Variants in GMDS observed in about 807,000 individuals in gnomAD.
The protein encoded by GMDS is GDP-mannose 4,6 dehydratase.
A neutral mutation model predicts 49.9 loss-of-function variants in GMDS; 20 were observed. That is an observed-to-expected ratio of 0.40 (90% CI 0.28 to 0.58). GMDS has a LOEUF of 0.58. GMDS is among the 20% of genes least tolerant of loss of function. GMDS has a pLI of 0.42. For missense variants in GMDS, 362 were observed against 481.4 expected (o/e 0.75, Z 2.32); for synonymous variants, 177 against 178.6 (o/e 0.99, Z 0.07).
intron 9 of GMDS, among the ~76,000 whole-genome samples, chr6:1,629,067 C>T (rs914355953): frequency 3.3e-5 from 5 of 152,224 alleles, no homozygotes; most frequent in African/African-American, 1.2e-4. Context: ...GCTCTCAAGT[C>T]TCACAGAGTA....
rs535352597 is a variant in GMDS, at chr6:1,751,472, A to G, written c.772-8886T>C. On this transcript the variant is annotated intron_variant, in intron 7 of 10. Coordinates refer to ENST00000380815, the MANE Select transcript of GMDS (RefSeq NM_001500.4). Reference sequence around the variant, plus strand: ...CTCCAGCAAACTCCAGCAGACCTGCAGCAGAGGGACCTGTTTTTTCATTTG... The same window carrying G: ...CTCCAGCAAACTCCAGCAGACCTGCGGCAGAGGGACCTGTTTTTTCATTTG... Among the ~76,000 whole-genome samples the G allele has an allele frequency of 1.1e-4, 17 of 152,346 alleles. No homozygotes were observed. In the South Asian group the frequency reaches 1.4e-3, roughly 13 times the overall value.
intron 4 of GMDS, among the ~76,000 whole-genome samples, chr6:2,072,561 C>G (rs757818910): frequency 6.6e-6 from 1 of 152,086 alleles, no homozygotes; most frequent in Non-Finnish European, 1.5e-5. Context: ...TTTGGGTGAC[C>G]AATTTCTGCA....
chr6:2,126,283 G>A (rs1006679733), intron 1 of GMDS, among the ~76,000 whole-genome samples: 29 of 152,118 alleles, frequency 1.9e-4, no homozygotes, highest in African/African-American at 6.5e-4. Flanking sequence ...TCATTCAGAC[G>A]AAAAGATAAA....
At chr6:2,087,749 T>C (rs1282577823) in intron 4 of GMDS, among the ~76,000 whole-genome samples, 2 of 152,210 alleles carry the variant, frequency 1.3e-5, no homozygotes, top group African/African-American at 2.4e-5. Flanking sequence ...CGTTTAGTTA[T>C]CCCAAGACCT....
At chr6:1,648,777 T>G (rs1763561554) in intron 9 of GMDS, among the ~76,000 whole-genome samples, 1 of 152,232 alleles carries the variant, frequency 6.6e-6, no homozygotes, top group South Asian at 2.1e-4. Flanking sequence ...TCCGTTTTAC[T>G]GGTCTAAGTT....
At chr6:1,719,619 G>A (rs1008754165) in intron 9 of GMDS, among the ~76,000 whole-genome samples, 1 of 68,664 alleles carries the variant, frequency 1.5e-5, no homozygotes, top group African/African-American at 6.8e-5. Context: ...CTGCTGATTT[G>A]TTTAAAAAAA....
chr6:2,135,688 G>T (rs771950882), intron 1 of GMDS, among the ~76,000 whole-genome samples: 4 of 151,988 alleles, frequency 2.6e-5, no homozygotes, highest in Non-Finnish European at 4.4e-5. Flanking sequence ...TTTTAGGCCA[G>T]CACTGGCCAA....
intron 8 of GMDS, among the ~76,000 whole-genome samples, chr6:1,730,825 C>A (rs1004132561): frequency 8.4e-4 from 128 of 152,204 alleles, no homozygotes; most frequent in African/African-American, 3.0e-3. Context: ...TTAGGCCCCC[C>A]ACTTTTAAAG....
chr6:2,042,801 C>T (rs1769764787), intron 4 of GMDS, among the ~76,000 whole-genome samples: 1 of 152,136 alleles, frequency 6.6e-6, no homozygotes, highest in Non-Finnish European at 1.5e-5. Flanking sequence ...CCAGTAACAA[C>T]TAACAAAGCC....
intron 1 of GMDS, among the ~76,000 whole-genome samples, chr6:2,211,984 T>C (rs900066866): frequency 6.6e-6 from 1 of 152,236 alleles, no homozygotes; most frequent in Admixed American, 6.5e-5. Flanking sequence ...TTGGTAATAA[T>C]TTAACCCATC....
intron 1 of GMDS, among the ~76,000 whole-genome samples, chr6:2,203,376 A>G (rs1779640081): frequency 6.6e-6 from 1 of 152,224 alleles, no homozygotes; most frequent in Non-Finnish European, 1.5e-5. Flanking sequence ...CTTTGCTGCC[A>G]GCTGTTATTT....
At chr6:1,802,988 A>G (rs1371611939) in intron 7 of GMDS, among the ~76,000 whole-genome samples, 1 of 152,234 alleles carries the variant, frequency 6.6e-6, no homozygotes, top group African/African-American at 2.4e-5. Flanking sequence ...CACAATATTT[A>G]ATAGCTGCGC....
At chr6:2,008,901 TCTTA>T (rs906069856) in intron 4 of GMDS, among the ~76,000 whole-genome samples, 2 of 152,226 alleles carry the variant, frequency 1.3e-5, no homozygotes, top group African/African-American at 2.4e-5. Context: ...CAGCTTTCTC[TCTTA>T]CTTACTTTGC....
chr6:1,897,617 G>C (rs530502422), intron 7 of GMDS, among the ~76,000 whole-genome samples: 6 of 152,242 alleles, frequency 3.9e-5, no homozygotes, highest in African/African-American at 1.4e-4. Flanking sequence ...AAAATGAGTG[G>C]CCAAGAATGT....
chr6:1,626,629 T>C (rs1211631512), intron 9 of GMDS, among the ~76,000 whole-genome samples: 2 of 152,160 alleles, frequency 1.3e-5, no homozygotes, highest in African/African-American at 2.4e-5. Flanking sequence ...TGGAGAAACA[T>C]GGTTATTGTT....
chr6:1,759,571 G>T (rs919650414), intron 7 of GMDS, among the ~76,000 whole-genome samples: 2 of 152,224 alleles, frequency 1.3e-5, no homozygotes, highest in African/African-American at 4.8e-5. Flanking sequence ...GACAAGAAAT[G>T]AATGTTTACA....
intron 4 of GMDS, among the ~76,000 whole-genome samples, chr6:2,024,280 C>A (rs1768450346): frequency 6.6e-6 from 1 of 152,054 alleles, no homozygotes; most frequent in South Asian, 2.1e-4. Context: ...CACACGCCTT[C>A]ACAGAAACTA....
chr6:1,692,860 T>C lies in GMDS; in HGVS notation c.987+33556A>G, dbSNP rs1026346468. On this transcript the variant is annotated intron_variant, in intron 9 of 10. Transcript: ENST00000380815. ...AACATCTGCATCAGTTCTGGGTTGA[T>C]TTTGATTGGTTCTTTTTCTCTTGTT... Among the ~76,000 whole-genome samples the C allele has an allele frequency of 2.6e-5, 4 of 152,240 alleles. No individual in the cohort carries two copies. The South Asian group carries it at 8.3e-4, about 31-fold the overall frequency.
intron 9 of GMDS, among the ~76,000 whole-genome samples, chr6:1,708,234 T>C (rs1311977056): frequency 6.6e-6 from 1 of 152,162 alleles, no homozygotes; most frequent in African/African-American, 2.4e-5. Flanking sequence ...TCTGGGTATA[T>C]CTCAAAGGTA....
Sources: allele counts gnomAD v4.1 joint callset (sites outside exome capture counted in the v4.1 genomes callset), GRCh38; gene constraint gnomAD v4.1.1; transcripts MANE v1.5; gene names NCBI Gene and HGNC (gene_info 2026-07-23, HGNC 2026-07-21).